Variants in SLC14A2 observed in about 807,000 individuals in gnomAD.
SLC14A2 encodes urea transporter 2.
Under a neutral mutation model 104.6 loss-of-function variants are expected in SLC14A2, and 91 were observed. That is an observed-to-expected ratio of 0.87 (90% CI 0.73 to 1.04). The LOEUF (loss-of-function observed/expected upper bound fraction) is 1.04, where lower values mean the gene tolerates loss of function less well. Ranked by LOEUF, SLC14A2 falls within the 50% of genes least tolerant of loss-of-function variation. The probability of loss-of-function intolerance (pLI) is 0.00; values close to 1 mark genes in which losing one functional copy is unlikely to be tolerated. For synonymous variants in SLC14A2, 476 were observed against 466.4 expected (o/e 1.02, Z -0.27); for missense variants, 1,189 against 1,156.0 (o/e 1.03, Z -0.41).
chr18:45,453,697 G>C (rs2612545), intron 1 of SLC14A2, among the ~76,000 whole-genome samples: 2 of 151,902 alleles, frequency 1.3e-5, no homozygotes, highest in South Asian at 2.1e-4. Flanking sequence ...GTCATTCTGC[G>C]TAGATAACAA....
intron 2 of SLC14A2, among the ~76,000 whole-genome samples, chr18:45,598,385 A>C (rs974542127): frequency 6.6e-6 from 1 of 152,164 alleles, no homozygotes; most frequent in Admixed American, 6.5e-5. Context: ...GGGTCTGCTC[A>C]GGAGAGTGGC....
intron 2 of SLC14A2, among the ~76,000 whole-genome samples, chr18:45,541,446 G>A (rs568966822): frequency 3.3e-4 from 50 of 152,336 alleles, no homozygotes; most frequent in Non-Finnish European, 6.8e-4. Context: ...CAAAGAACAG[G>A]CTTACAGACG....
chr18:45,325,017 C>T (rs1052339913), intron 1 of SLC14A2, among the ~76,000 whole-genome samples: 1 of 152,136 alleles, frequency 6.6e-6, no homozygotes, highest in African/African-American at 2.4e-5. Flanking sequence ...GGGTGCTGTG[C>T]AGGGCTCATT....
intron 1 of SLC14A2, among the ~76,000 whole-genome samples, chr18:45,257,956 G>A (rs769808799): frequency 1.3e-5 from 2 of 152,120 alleles, no homozygotes; most frequent in Non-Finnish European, 2.9e-5. Context: ...CCCAAATGAA[G>A]CACTTTGGAA....
At chr18:45,542,433 T>A (rs2043905704) in intron 2 of SLC14A2, 1 of 152,084 alleles carries the variant, frequency 6.6e-6, no homozygotes, top group Non-Finnish European at 1.5e-5. Context: ...GAAGTTAGAT[T>A]TAAGACACTG....
At chr18:45,473,614 T>G (rs187616907) in intron 1 of SLC14A2, among the ~76,000 whole-genome samples, 25 of 152,264 alleles carry the variant, frequency 1.6e-4, no homozygotes, top group African/African-American at 5.5e-4. Context: ...AGTTGGATTC[T>G]TAGATATTTT....
At chr18:45,267,804 G>A (rs1340711039) in intron 1 of SLC14A2, among the ~76,000 whole-genome samples, 2 of 152,136 alleles carry the variant, frequency 1.3e-5, no homozygotes, top group African/African-American at 4.8e-5. Flanking sequence ...AGATTGCAAA[G>A]GTGTTTCCCA....
At chr18:45,410,741 G>A (rs1391072478) in intron 1 of SLC14A2, among the ~76,000 whole-genome samples, 1 of 152,166 alleles carries the variant, frequency 6.6e-6, no homozygotes, top group Non-Finnish European at 1.5e-5. Context: ...GTGCAGAGTG[G>A]TGAAAACTTT....
chr18:45,632,436 A>G lies in SLC14A2; in HGVS notation c.608A>G (p.Tyr203Cys), dbSNP rs752976290. ...MAVFSEKLDY[Y>C]WWLLFPVTFT... is the part of the protein sequence containing the mutation. The stretch of plus-strand genomic sequence containing the variant: ...GTGTTCTCGGAGAAGTTAGACTACT[A>G]CTGGTGGCTTCTGTTTCCTGTGACC... Residue 203 changes from tyrosine to cysteine, a missense_variant, in exon 5 of 20, where the codon TAC becomes TGC. By Grantham distance (194) the Tyr-to-Cys change is radical. Transcript: ENST00000255226. 2.5e-6 allele frequency: 4 copies of G among 1,613,954 alleles called. No individual in the cohort carries two copies. In the South Asian group the frequency reaches 3.3e-5, roughly 13 times the overall value.
At chr18:45,500,576 CAAAAAAAA>C (rs34543837) in intron 2 of SLC14A2, among the ~76,000 whole-genome samples, 1 of 93,910 alleles carries the variant, frequency 1.1e-5, no homozygotes, top group African/African-American at 4.8e-5. Flanking sequence ...GACTCCGTCT[CAAAAAAAA>C]AAAAAAAAAA....
intron 2 of SLC14A2, among the ~76,000 whole-genome samples, chr18:45,519,583 G>A (rs936183679): frequency 8.5e-5 from 13 of 152,204 alleles, no homozygotes; most frequent in African/African-American, 3.1e-4. Flanking sequence ...GCTGCTAGCT[G>A]AGGAAGATTC....
At chr18:45,189,412 A>T in the SLC14A2 span, among the ~76,000 whole-genome samples, 1 of 152,208 alleles carries the variant, frequency 6.6e-6, no homozygotes. Flanking sequence ...GTTACAATAC[A>T]CCAATAAGTG....
intron 2 of SLC14A2, among the ~76,000 whole-genome samples, chr18:45,513,263 G>A (rs1370511941): frequency 1.3e-5 from 2 of 152,230 alleles, no homozygotes; most frequent in East Asian, 3.9e-4. Context: ...ATCAAAATCT[G>A]CTGTACAAAA....
upstream of SLC14A2, among the ~76,000 whole-genome samples, chr18:45,209,382 TG>T (rs2083943502): frequency 6.6e-6 from 1 of 151,722 alleles, no homozygotes; most frequent in Non-Finnish European, 1.5e-5. Flanking sequence ...ACAACAACTG[TG>T]GTCAAAATGT....
At position 45,306,728 on chromosome 18, in the gene SLC14A2, C is replaced by T. The variant is rs61515574; in HGVS notation, c.-125+93537C>T. Among the ~76,000 whole-genome samples the T allele has an allele frequency of 9.2e-3, 1,397 of 152,246 alleles. 20 individuals are homozygous for T. The highest frequency in any genetic ancestry group is 0.03 in the African/African-American group (1,235 of 41,540). On this transcript the variant is annotated intron_variant, in intron 1 of 20. Transcript: ENST00000586448. ...TCTCGTTCCTGCTCTGCCACTATGT[C>T]GCTGAGGAAAGCCACAGCATTATCT...
intron 16 of SLC14A2, among the ~76,000 whole-genome samples, chr18:45,672,373 TACA>T (rs550879031): frequency 8.2e-4 from 125 of 152,032 alleles, no homozygotes; most frequent in African/African-American, 2.9e-3. Flanking sequence ...CTACTAAAAA[TACA>T]ACATTAGCCA....
At chr18:45,665,126 G>A (rs1420471044) in intron 11 of SLC14A2, among the ~76,000 whole-genome samples, 1 of 152,180 alleles carries the variant, frequency 6.6e-6, no homozygotes, top group African/African-American at 2.4e-5. Flanking sequence ...CAAACACACT[G>A]GTATCTGCAG....
intron 1 of SLC14A2, among the ~76,000 whole-genome samples, chr18:45,378,686 A>G (rs530488416): frequency 1.3e-5 from 2 of 152,366 alleles, no homozygotes; most frequent in South Asian, 2.1e-4. Flanking sequence ...AGGAGGGGAC[A>G]TGTCTGTTTT....
chr18:45,539,510 T>G (rs1011825479), intron 2 of SLC14A2, among the ~76,000 whole-genome samples: 2 of 152,096 alleles, frequency 1.3e-5, no homozygotes, highest in African/African-American at 4.8e-5. Flanking sequence ...GAGGATCAGA[T>G]CAAATCCAGA....
Sources: allele counts gnomAD v4.1 joint callset (sites outside exome capture counted in the v4.1 genomes callset), GRCh38; gene constraint gnomAD v4.1.1; transcripts MANE v1.5; gene names NCBI Gene and HGNC (gene_info 2026-07-23, HGNC 2026-07-21).